Variants in ETV1 observed in about 807,000 individuals in gnomAD.
The protein encoded by ETV1 is ETS translocation variant 1.
A neutral mutation model predicts 62.3 loss-of-function variants in ETV1; 27 were observed. The ratio of observed to expected loss-of-function variants is 0.43; its 90% confidence interval spans 0.32 to 0.60. ETV1 has a LOEUF of 0.60. Ranked by LOEUF, ETV1 falls within the 20% of genes least tolerant of loss-of-function variation. ETV1 has a pLI of 0.06. For missense variants in ETV1, 605 were observed against 605.8 expected, an observed-to-expected ratio of 1.00 and a Z score of 0.01; for synonymous variants, 222 against 199.6, an observed-to-expected ratio of 1.11 and a Z score of -0.94.
chr7:13,917,164 T>A (rs2128428287), intron 9 of ETV1, among the ~76,000 whole-genome samples: 1 of 152,106 alleles, frequency 6.6e-6, no homozygotes, highest in South Asian at 2.1e-4. Context: ...CAAACAACAT[T>A]AGATTATATG....
chr7:13,909,578 G>A, intron 11 of ETV1, 54 bp downstream of exon 11: 1 of 1,267,386 alleles, frequency 7.9e-7, no homozygotes, highest in East Asian at 2.3e-5. Context: ...AGAAGCGAAG[G>A]TAATCACTCC....
chr7:13,975,516 T>C (rs892112885), intron 6 of ETV1, among the ~76,000 whole-genome samples: 5 of 144,244 alleles, frequency 3.5e-5, no homozygotes, highest in African/African-American at 1.0e-4. Flanking sequence ...TGAGCCAAGA[T>C]TGCACCACTG....
At chr7:13,960,797 C>T (rs1301111713) in intron 6 of ETV1, among the ~76,000 whole-genome samples, 3 of 152,038 alleles carry the variant, frequency 2.0e-5, no homozygotes, top group Non-Finnish European at 4.4e-5. Flanking sequence ...TGATGAAACT[C>T]AAATTCTGAT....
chr7:13,915,142 C>G (rs1583611076), intron 9 of ETV1, among the ~76,000 whole-genome samples: 1 of 152,114 alleles, frequency 6.6e-6, no homozygotes, highest in African/African-American at 2.4e-5. Flanking sequence ...TGTGGTTTTG[C>G]TTTCCTATAA....
At chr7:13,975,801 A>G (rs952819782) in intron 6 of ETV1, among the ~76,000 whole-genome samples, 2 of 152,150 alleles carry the variant, frequency 1.3e-5, no homozygotes, top group Non-Finnish European at 2.9e-5. Context: ...GAGGTCAAAT[A>G]AGAAAAGGAG....
intron 8 of ETV1, among the ~76,000 whole-genome samples, chr7:13,934,007 GA>G (rs970526214): frequency 1.3e-5 from 2 of 152,172 alleles, no homozygotes; most frequent in African/African-American, 4.8e-5. Flanking sequence ...GCACTGATCA[GA>G]AGAGTGAGAT....
intron 8 of ETV1, 85 bp downstream of exon 8, chr7:13,935,623 T>G: frequency 1.8e-6 from 2 of 1,136,028 alleles, no homozygotes; most frequent in Non-Finnish European, 2.6e-6. Flanking sequence ...ACCTTAAATC[T>G]ACTCTAGGCC....
intron 9 of ETV1, 69 bp from the exon 10 acceptor site, chr7:13,911,376 G>T: frequency 9.6e-7 from 1 of 1,040,478 alleles, no homozygotes; most frequent in Admixed American, 1.9e-5. Context: ...AATGGACAGG[G>T]TGCAGACAGA....
intron 10 of ETV1, chr7:13,910,582 T>A (rs564850317): frequency 1.1e-5 from 3 of 268,076 alleles, no homozygotes; most frequent in South Asian, 2.8e-4. Flanking sequence ...AAAGAATGCA[T>A]CCAAGTCAAT....
At position 13,894,003 on chromosome 7, in the gene ETV1, G is replaced by A. The variant is rs1207802529; in HGVS notation, c.*1863C>T. 3 of 232,782 alleles carry A rather than the reference G, an allele frequency of 1.3e-5. No individual in the cohort carries two copies. Among genetic ancestry groups the A allele is most frequent in the African/African-American group, 6.6e-5 (3 of 45,302 alleles). 14.4% of individuals were successfully genotyped at this position (232,782 alleles called of 1,614,324 possible). ...TGAAGAGTAGCAATTTTGGTGTTTGGGTTTCTTGATAACTGCTCCACTTAG... is the reference window on the plus strand; with the variant it reads ...TGAAGAGTAGCAATTTTGGTGTTTGAGTTTCTTGATAACTGCTCCACTTAG... On this transcript the variant is annotated 3_prime_UTR_variant, in exon 14 of 14. Transcript: ENST00000430479.
chr7:13,920,552 C>G (rs1027147695), intron 9 of ETV1, among the ~76,000 whole-genome samples: 1 of 152,058 alleles, frequency 6.6e-6, no homozygotes, highest in Non-Finnish European at 1.5e-5. Flanking sequence ...CAGGGCTCTG[C>G]CCCTAGGGAT....
rs1781474364 is a variant in ETV1 at position 13,976,556 on chromosome 7, G to GA, written c.235+870dup. 2.6e-5 allele frequency among the ~76,000 whole-genome samples: 4 copies of GA among 152,236 alleles called. No individual in the cohort carries two copies. The South Asian group carries it at 8.3e-4, about 32-fold the overall frequency. On this transcript the variant is annotated intron_variant, in intron 6 of 13. Coordinates refer to ENST00000430479, the MANE Select transcript of ETV1 (RefSeq NM_004956.5). ...TGAAGTAATGCAGGTATCTGTATTA[G>GA]AAAAAATAAAACAAATTTAGATGTC... is the stretch of plus-strand genomic sequence containing the variant.
intron 6 of ETV1, among the ~76,000 whole-genome samples, chr7:13,956,283 G>C (rs1789449744): frequency 6.6e-6 from 1 of 151,850 alleles, no homozygotes; most frequent in Non-Finnish European, 1.5e-5. Flanking sequence ...ACACTTTATA[G>C]AGTTGTTGAT....
intron 6 of ETV1, among the ~76,000 whole-genome samples, chr7:13,952,451 C>T (rs1418782381): frequency 6.6e-6 from 1 of 152,130 alleles, no homozygotes; most frequent in Non-Finnish European, 1.5e-5. Flanking sequence ...TAACTGAGGG[C>T]ATTTGCTGCA....
At chr7:13,909,564 C>G (rs1783353196) in intron 11 of ETV1, 68 bp downstream of exon 11, 2 of 1,159,534 alleles carry the variant, frequency 1.7e-6, no homozygotes, top group Non-Finnish European at 2.6e-6. Context: ...CCACTGTTTT[C>G]AGAAGAAGCG....
rs1016680192 is a variant in ETV1 at position 13,961,752 on chromosome 7, T to A, written c.235+15675A>T. Among the ~76,000 whole-genome samples, 4 of 152,134 alleles carry A rather than the reference T, an allele frequency of 2.6e-5. No homozygotes were observed. The South Asian group carries it at 8.3e-4, about 31-fold the overall frequency. Reference sequence around the variant, plus strand: ...GATGCTAACTGATCCTATAGTAGGGTCTGTATTACAAGTATCAGAATGTTT... The same window carrying A: ...GATGCTAACTGATCCTATAGTAGGGACTGTATTACAAGTATCAGAATGTTT... On this transcript the variant is annotated intron_variant, in intron 6 of 13. Coordinates refer to ENST00000430479, the MANE Select transcript of ETV1 (RefSeq NM_004956.5).
In ETV1 at chr7:13,939,155, A is replaced by T. The variant is rs943501720; in HGVS notation, c.327T>A (p.Phe109Leu). 6.2e-7 allele frequency: 1 copy of T among 1,613,334 alleles called. No individual in the cohort carries two copies. Among genetic ancestry groups the T allele is most frequent in the Non-Finnish European group, 8.5e-7 (1 of 1,179,728 alleles). ...ISSACSQEQP[F>L]KFSYGEKCLY... is the part of the protein sequence containing the mutation. The stretch of plus-strand genomic sequence containing the variant: ...GGCACTTTTCTCCATAGCTGAATTT[A>T]AAGGGCTGTTCTTGACTGCAGGCAG... Residue 109 changes from phenylalanine (F) to leucine (L), a missense_variant, in exon 7 of 14, where the codon TTT (phenylalanine) becomes TTA (leucine). By Grantham distance (22) the Phe-to-Leu change is conservative (BLOSUM62 0). Around this residue, in one of 3 missense-constraint regions of ETV1, gnomAD observed 426 missense variants for 377.8 expected, o/e 1.13. Coordinates refer to ENST00000430479, the MANE Select transcript of ETV1 (RefSeq NM_004956.5).
At chr7:13,927,006 A>T (rs1785501243) in intron 9 of ETV1, among the ~76,000 whole-genome samples, 1 of 152,214 alleles carries the variant, frequency 6.6e-6, no homozygotes. Flanking sequence ...AGGCTTTATT[A>T]GAGCACAATC....
rs1337205106 is a variant in ETV1, at chr7:13,942,191, C to G, written c.236-2945G>C. On this transcript the variant is annotated intron_variant, in intron 6 of 13. Transcript: ENST00000430479. ...GGCGCCCGCCACCACGCCCGGCTAA[C>G]TTTTTGGATTTTTAGTAGAGACGGG... Among the ~76,000 whole-genome samples, 3 of 151,566 alleles carry G rather than the reference C, an allele frequency of 2.0e-5. No homozygotes were observed. The East Asian group carries it at 5.9e-4, about 30-fold the overall frequency.
Sources: gnomAD v4.1 joint callset for allele counts (sites outside exome capture counted in the v4.1 genomes callset) on GRCh38, gnomAD v4.1.1 for gene constraint, gnomAD v4.1.1 regional missense constraint, MANE v1.5 for transcripts, NCBI Gene and HGNC (gene_info 2026-07-23, HGNC 2026-07-21) for gene names.